Variants in ACBD6 observed in about 807,000 individuals in gnomAD.
The protein encoded by ACBD6 is acyl-CoA-binding domain-containing protein 6.
A neutral mutation model predicts 37.2 loss-of-function variants in ACBD6; 28 were observed. That is an observed-to-expected ratio of 0.75 (90% CI 0.56 to 1.03). The LOEUF (loss-of-function observed/expected upper bound fraction) is 1.03, where lower values mean the gene tolerates loss of function less well. Among genes scored for constraint, ACBD6 ranks in the 50% least tolerant of loss-of-function variants. ACBD6 has a pLI of 0.00. For missense variants in ACBD6, 340 were observed against 337.4 expected (o/e 1.01, Z -0.06); for synonymous variants, 113 against 126.8 (o/e 0.89, Z 0.73).
At chr1:180,270,160 T>C (rs946100729) in exon 14 of ACBD6, 1 of 152,294 alleles carries the variant, frequency 6.6e-6, no homozygotes, top group African/African-American at 2.4e-5. Context: ...CCAGGTCTGC[T>C]GACTCCAGGG....
intron 6 of ACBD6, among the ~76,000 whole-genome samples, chr1:180,372,007 G>C (rs1653281084): frequency 6.6e-6 from 1 of 152,076 alleles, no homozygotes; most frequent in Non-Finnish European, 1.5e-5. Context: ...GAACCTGAGT[G>C]GCAATAATGT....
chr1:180,307,831 T>G (rs1274830919), intron 7 of ACBD6, among the ~76,000 whole-genome samples: 1 of 152,176 alleles, frequency 6.6e-6, no homozygotes, highest in South Asian at 2.1e-4. Flanking sequence ...GGCGCATGCC[T>G]GTAGTCCCAG....
chr1:180,314,774 A>G (rs771358852), intron 6 of ACBD6, 52 bp from the exon 7 acceptor site: 9 of 1,334,730 alleles, frequency 6.7e-6, no homozygotes, highest in Non-Finnish European at 9.7e-6. Context: ...TTGCAAAAGT[A>G]TGAAAGTACA....
chr1:180,337,790 A>T (rs1478727067), intron 6 of ACBD6, among the ~76,000 whole-genome samples: 2 of 152,240 alleles, frequency 1.3e-5, no homozygotes, highest in Admixed American at 1.3e-4. Context: ...TAAGCTGATA[A>T]GCAACTTCAG....
intron 3 of ACBD6, among the ~76,000 whole-genome samples, chr1:180,463,548 T>C (rs574195346): frequency 2.0e-5 from 3 of 151,912 alleles, no homozygotes; most frequent in African/African-American, 7.3e-5. Context: ...AGCTCTGAAG[T>C]TGAGGTAGCA....
chr1:180,441,942 C>T (rs1379564432), intron 3 of ACBD6, among the ~76,000 whole-genome samples: 2 of 152,166 alleles, frequency 1.3e-5, no homozygotes, highest in Non-Finnish European at 2.9e-5. Context: ...TGAAAGCAAG[C>T]ATCCTTGTCT....
At chr1:180,286,273 TTAAAA>T (rs759821301), downstream of ACBD6, among the ~76,000 whole-genome samples, 2 of 152,240 alleles carry the variant, frequency 1.3e-5, no homozygotes, top group South Asian at 2.1e-4. Context: ...TTTGAAACCT[TTAAAA>T]TAAAATAAAA....
intron 6 of ACBD6, among the ~76,000 whole-genome samples, chr1:180,374,814 T>C (rs1271657972): frequency 1.3e-5 from 2 of 152,088 alleles, no homozygotes; most frequent in African/African-American, 4.8e-5. Flanking sequence ...AGTATAGAAA[T>C]TAGAGATCTA....
chr1:180,415,429 A>C (rs1055774026), intron 4 of ACBD6, among the ~76,000 whole-genome samples: 188 of 152,058 alleles, frequency 1.2e-3, no homozygotes, highest in East Asian at 4.8e-3. Flanking sequence ...AAAAAAAAAA[A>C]CACCATGTCT....
chr1:180,471,937 C>T (rs775567312), intron 3 of ACBD6, among the ~76,000 whole-genome samples: 13 of 152,160 alleles, frequency 8.5e-5, no homozygotes, highest in Non-Finnish European at 1.8e-4. Context: ...GGTCTTATGC[C>T]TCAGCAGAGG....
chr1:180,475,452 TCA>T (rs1650742076), intron 3 of ACBD6, among the ~76,000 whole-genome samples: 1 of 152,312 alleles, frequency 6.6e-6, no homozygotes, highest in African/African-American at 2.4e-5. Flanking sequence ...CATGGCATGA[TCA>T]GAGTTCACTA....
chr1:180,399,969 G>C (rs1326320278), intron 5 of ACBD6, among the ~76,000 whole-genome samples: 1 of 152,164 alleles, frequency 6.6e-6, no homozygotes. Flanking sequence ...TAATAGTTAA[G>C]TAGGACAACA....
intron 1 of ACBD6, among the ~76,000 whole-genome samples, chr1:180,498,403 A>G (rs1651816719): frequency 6.6e-6 from 1 of 152,258 alleles, no homozygotes; most frequent in Non-Finnish European, 1.5e-5. Context: ...TCTGTTAAGT[A>G]AAATTGGAAA....
chr1:180,370,429 C>CAGG (rs1260260771), intron 6 of ACBD6, among the ~76,000 whole-genome samples: 6 of 152,034 alleles, frequency 3.9e-5, no homozygotes, highest in Non-Finnish European at 5.9e-5. Context: ...TACTGTATGT[C>CAGG]AAACATTACA....
intron 3 of ACBD6, among the ~76,000 whole-genome samples, chr1:180,457,067 A>G (rs960529478): frequency 3.9e-5 from 6 of 152,188 alleles, no homozygotes; most frequent in African/African-American, 1.4e-4. Flanking sequence ...CCTATAAACA[A>G]TAATAGGAAG....
intron 6 of ACBD6, among the ~76,000 whole-genome samples, chr1:180,319,389 A>G (rs1650964296): frequency 6.6e-6 from 1 of 152,198 alleles, no homozygotes; most frequent in African/African-American, 2.4e-5. Context: ...CAGTAGGTAT[A>G]TATATTTGTG....
intron 7 of ACBD6, among the ~76,000 whole-genome samples, chr1:180,290,799 T>C (rs10218829): frequency 0.011 from 1,601 of 152,334 alleles, 24 homozygotes; most frequent in African/African-American, 0.035. Context: ...CTGTCTCTGC[T>C]GGCTCAGGGA....
intron 9 of ACBD6, chr1:180,277,533 ATGGAAAC>A (rs1649106567): frequency 6.6e-6 from 1 of 152,134 alleles, no homozygotes; most frequent in African/African-American, 2.4e-5. Flanking sequence ...TATAAGCAAA[ATGGAAAC>A]TGAGGGGCTA....
intron 3 of ACBD6, among the ~76,000 whole-genome samples, chr1:180,433,468 T>C (rs1648888803): frequency 6.6e-6 from 1 of 152,190 alleles, no homozygotes; most frequent in African/African-American, 2.4e-5. Context: ...GCTTTCTTTC[T>C]AAGATCAGGA....
Sources: allele counts gnomAD v4.1 joint callset (sites outside exome capture counted in the v4.1 genomes callset), GRCh38; gene constraint gnomAD v4.1.1; transcripts MANE v1.5; gene names NCBI Gene and HGNC (gene_info 2026-07-23, HGNC 2026-07-21).